Variants in HS6ST1 observed in about 807,000 individuals in gnomAD.
The protein encoded by HS6ST1 is heparan-sulfate 6-O-sulfotransferase 1.
Under a neutral mutation model 25.2 loss-of-function variants are expected in HS6ST1, and 3 were observed. That is an observed-to-expected ratio of 0.12 (90% confidence interval 0.05 to 0.31). The LOEUF (loss-of-function observed/expected upper bound fraction) is 0.31. Among genes scored for constraint, HS6ST1 ranks in the 10% least tolerant of loss-of-function variants. HS6ST1 has a pLI of 1.00. For missense variants in HS6ST1, 310 were observed against 609.6 expected (o/e 0.51, Z 5.18); for synonymous variants, 204 against 275.1 (o/e 0.74, Z 2.56).
intron 1 of HS6ST1, among the ~76,000 whole-genome samples, chr2:128,277,604 C>A (rs1292411064): frequency 2.0e-5 from 3 of 152,322 alleles, no homozygotes; most frequent in Admixed American, 1.3e-4. Flanking sequence ...GCCCCTGAGA[C>A]CCTCTGTGGG....
At position 128,276,059 on chromosome 2, in the gene HS6ST1, G is replaced by A. The variant is rs186129804; in HGVS notation, c.528-7189C>T. Among the ~76,000 whole-genome samples the A allele has an allele frequency of 3.9e-5, 6 of 152,322 alleles. No homozygotes were observed. In the East Asian group the frequency reaches 1.2e-3, roughly 29 times the overall value. ...CAGGACTGGATTATGATGGTAACGT[G>A]TATTTTATCAAGTTCTCAAAAACAA... is the stretch of plus-strand genomic sequence containing the variant. On this transcript the variant is annotated intron_variant, in intron 1 of 1. Coordinates refer to ENST00000259241, the MANE Select transcript of HS6ST1 (RefSeq NM_004807.3).
In HS6ST1 at chr2:128,267,080, CA is replaced by C. The variant is rs1391215865; in HGVS notation, c.*1081del. 1 of 152,274 alleles carries C rather than the reference CA, an allele frequency of 6.6e-6. No homozygotes were observed. The highest frequency in any genetic ancestry group is 1.5e-5 in the Non-Finnish European group (1 of 68,074). The allele number at this position is 152,274 out of a possible 1,614,324, so 9.4% of individuals were successfully genotyped here. ...GTCCCAGTTCCTGGCCATACAGAGC[CA>C]CTGTGGTCCGAGGGTACGGCTCCTG... is the stretch of plus-strand genomic sequence containing the variant. On this transcript the variant is annotated 3_prime_UTR_variant, in exon 2 of 2. Coordinates refer to ENST00000259241, the MANE Select transcript of HS6ST1 (RefSeq NM_004807.3).
intron 1 of HS6ST1, among the ~76,000 whole-genome samples, chr2:128,284,302 C>T (rs888088889): frequency 1.3e-5 from 2 of 152,080 alleles, no homozygotes; most frequent in African/African-American, 4.8e-5. Context: ...CCACAGGCGG[C>T]CCCCCACCCT....
chr2:128,298,132 C>T (rs184501288), intron 1 of HS6ST1, among the ~76,000 whole-genome samples: 61 of 141,468 alleles, frequency 4.3e-4, no homozygotes, highest in Non-Finnish European at 7.8e-4. Context: ...TTCCACTTCA[C>T]ATCCATCAGA....
intron 1 of HS6ST1, among the ~76,000 whole-genome samples, chr2:128,272,677 A>G (rs989482702): frequency 2.0e-5 from 3 of 152,118 alleles, no homozygotes; most frequent in Non-Finnish European, 4.4e-5. Flanking sequence ...AGGAGAGAAG[A>G]GGGCTCGATT....
At position 128,268,613 on chromosome 2, in the gene HS6ST1, C is replaced by T. The variant is rs1356904410; in HGVS notation, c.785G>A (p.Cys262Tyr). The T allele has an allele frequency of 6.2e-7, 1 of 1,607,214 alleles. No homozygotes were observed. Residue 262 changes from cysteine (C) to tyrosine (Y), a missense_variant, in exon 2 of 2, where the codon TGC becomes TAC. Cys to Tyr is a radical substitution (Grantham distance 194, BLOSUM62 -2). This residue lies in a region of HS6ST1 where 98 missense variants were observed against 270.3 expected (regional missense o/e 0.36). Transcript: ENST00000259241. ...CTCGGGGATGAAGGACAGGTTGTAG[C>T]AGCCCACCAGGCTCAGGTCGGCCAG... is the stretch of plus-strand genomic sequence containing the variant. Reference protein sequence around the residue: ...RMLADLSLVGCYNLSFIPEGK... With the variant: ...RMLADLSLVGYYNLSFIPEGK...
intron 1 of HS6ST1, among the ~76,000 whole-genome samples, chr2:128,278,754 A>G (rs1296904851): frequency 6.6e-6 from 1 of 152,158 alleles, no homozygotes; most frequent in Non-Finnish European, 1.5e-5. Context: ...TGTAAGATAT[A>G]TACATGTTCA....
intron 1 of HS6ST1, among the ~76,000 whole-genome samples, chr2:128,282,142 G>T (rs1014656680): frequency 6.6e-6 from 1 of 152,238 alleles, no homozygotes; most frequent in Non-Finnish European, 1.5e-5. Context: ...CCAAACCATG[G>T]CCAGGGTGGT....
intron 1 of HS6ST1, among the ~76,000 whole-genome samples, chr2:128,314,434 C>A (rs1414272902): frequency 1.3e-5 from 2 of 152,110 alleles, no homozygotes; most frequent in East Asian, 3.9e-4. Flanking sequence ...GGACAGCAGT[C>A]GAGGCGCCTA....
rs1312685225 is a variant in HS6ST1 at position 128,267,425 on chromosome 2, T to C, written c.*737A>G. On this transcript the variant is annotated 3_prime_UTR_variant, in exon 2 of 2. Transcript: ENST00000259241. Reference sequence around the variant, plus strand: ...CAGTTGGCCCGAGGAAGGCCGGCAATGCAGCTCGGGCCTACTACCCAAACC... The same window carrying C: ...CAGTTGGCCCGAGGAAGGCCGGCAACGCAGCTCGGGCCTACTACCCAAACC... 6.5e-6 allele frequency: 1 copy of C among 152,880 alleles called. No individual in the cohort carries two copies. Among genetic ancestry groups the C allele is most frequent in the East Asian group, 1.9e-4 (1 of 5,188 alleles). 9.5% of individuals were successfully genotyped at this position (152,880 alleles called of 1,614,324 possible).
At chr2:128,290,817 C>CAAAAAAAAAAAAA (rs57754041) in intron 1 of HS6ST1, among the ~76,000 whole-genome samples, 10 of 60,544 alleles carry the variant, frequency 1.7e-4, no homozygotes, top group East Asian at 6.5e-4. Flanking sequence ...ACTAAAAATA[C>CAAAAAAAAAAAAA]AAAAAAAAAA....
At chr2:128,303,484 C>T (rs1694164441) in intron 1 of HS6ST1, among the ~76,000 whole-genome samples, 1 of 152,244 alleles carries the variant, frequency 6.6e-6, no homozygotes, top group Non-Finnish European at 1.5e-5. Flanking sequence ...AACGTAGTTT[C>T]CAGATCTAGC....
intron 1 of HS6ST1, among the ~76,000 whole-genome samples, chr2:128,309,301 A>C (rs1393193837): frequency 6.6e-6 from 1 of 152,264 alleles, no homozygotes; most frequent in Non-Finnish European, 1.5e-5. Context: ...GTGGGAAAAG[A>C]AAATGAGGTT....
intron 1 of HS6ST1, among the ~76,000 whole-genome samples, chr2:128,278,438 G>A (rs1332432103): frequency 6.6e-6 from 1 of 152,226 alleles, no homozygotes; most frequent in Non-Finnish European, 1.5e-5. Flanking sequence ...GCCTGGTGAG[G>A]GGCTGGTGCA....
At position 128,315,996 on chromosome 2, in the gene HS6ST1, G is replaced by A. The variant is rs1215859647; in HGVS notation, c.527+2041C>T. ...CCTGGAAGCCCCTCCCAACCCTGGCGCATGCTGCTGAGCTAGCAATTTCCA... is the reference window on the plus strand; with the variant it reads ...CCTGGAAGCCCCTCCCAACCCTGGCACATGCTGCTGAGCTAGCAATTTCCA... On this transcript the variant is annotated intron_variant, in intron 1 of 1. Transcript: ENST00000259241. Among the ~76,000 whole-genome samples, 3 of 152,172 alleles carry A rather than the reference G, an allele frequency of 2.0e-5. No homozygotes were observed. The East Asian group carries it at 5.8e-4, about 29-fold the overall frequency.
intron 1 of HS6ST1, among the ~76,000 whole-genome samples, chr2:128,271,426 G>A (rs754252507): frequency 3.1e-4 from 47 of 152,228 alleles, no homozygotes; most frequent in Non-Finnish European, 5.9e-4. Flanking sequence ...GCTGGTGGAG[G>A]GTCCGGGTCA....
At chr2:128,280,701 T>C (rs1382691659) in intron 1 of HS6ST1, among the ~76,000 whole-genome samples, 1 of 152,160 alleles carries the variant, frequency 6.6e-6, no homozygotes, top group Non-Finnish European at 1.5e-5. Flanking sequence ...TCAGATTTTT[T>C]TTTTTTCATT....
intron 1 of HS6ST1, among the ~76,000 whole-genome samples, chr2:128,279,111 C>T (rs999750857): frequency 6.3e-5 from 9 of 143,078 alleles, no homozygotes; most frequent in Non-Finnish European, 1.1e-4. Context: ...CCTGCTTGCA[C>T]TGCATTTGTC....
intron 1 of HS6ST1, among the ~76,000 whole-genome samples, chr2:128,300,855 C>A (rs1694114984): frequency 6.6e-6 from 1 of 152,244 alleles, no homozygotes; most frequent in Non-Finnish European, 1.5e-5. Flanking sequence ...AGCCCCACAC[C>A]CCGTCTGAGC....
Sources: allele counts gnomAD v4.1 joint callset (sites outside exome capture counted in the v4.1 genomes callset), GRCh38; gene constraint gnomAD v4.1.1; regional missense constraint gnomAD v4.1.1; transcripts MANE v1.5; gene names NCBI Gene and HGNC (gene_info 2026-07-23, HGNC 2026-07-21).